UVRAG: variants seen among roughly 807,000 people sequenced by gnomAD.
The protein encoded by UVRAG is UV radiation resistance associated, also known as UV radiation resistance-associated gene protein.
UVRAG carries 19 observed loss-of-function variants against 78.0 expected under a neutral mutation model. The ratio of observed to expected loss-of-function variants is 0.24; its 90% CI spans 0.17 to 0.36. UVRAG has a LOEUF of 0.36. UVRAG is among the 10% of genes least tolerant of loss of function. UVRAG has a pLI of 1.00. For missense variants in UVRAG, 740 were observed against 853.8 expected (o/e 0.87, Z 1.66); for synonymous variants, 323 against 324.6 (o/e 1.00, Z 0.05).
At chr11:75,950,636 A>G (rs1208349570) in intron 6 of UVRAG, among the ~76,000 whole-genome samples, 1 of 152,166 alleles carries the variant, frequency 6.6e-6, no homozygotes, top group Non-Finnish European at 1.5e-5. Context: ...CAGGTTTCCA[A>G]AGTAGTTATA....
intron 12 of UVRAG, among the ~76,000 whole-genome samples, chr11:76,024,442 T>A (rs1222991092): frequency 6.6e-6 from 1 of 152,212 alleles, no homozygotes; most frequent in African/African-American, 2.4e-5. Context: ...GAATTTTATA[T>A]TCTTCCTCTA....
chr11:75,948,693 A>T (rs772559514), intron 6 of UVRAG, among the ~76,000 whole-genome samples: 1 of 152,196 alleles, frequency 6.6e-6, no homozygotes, highest in African/African-American at 2.4e-5. Context: ...GATGTTATCA[A>T]CATGACTAGA....
intron 12 of UVRAG, among the ~76,000 whole-genome samples, chr11:76,050,734 T>G (rs1013861458): frequency 1.3e-5 from 2 of 152,158 alleles, no homozygotes; most frequent in Non-Finnish European, 2.9e-5. Context: ...GGTCATAGAT[T>G]TTTTTTAAAT....
At chr11:75,864,702 C>T (rs567943392) in intron 3 of UVRAG, among the ~76,000 whole-genome samples, 153 of 152,358 alleles carry the variant, frequency 1.0e-3, no homozygotes, top group African/African-American at 3.5e-3. Context: ...ATGAATTCTT[C>T]CCTAAGGATA....
At chr11:76,091,824 C>T (rs969080216) in intron 13 of UVRAG, among the ~76,000 whole-genome samples, 30 of 150,966 alleles carry the variant, frequency 2.0e-4, no homozygotes, top group African/African-American at 7.1e-4. Flanking sequence ...TGGAGATACC[C>T]GATTGTATAT....
At chr11:76,082,295 C>T (rs1352201015) in intron 13 of UVRAG, among the ~76,000 whole-genome samples, 1 of 152,082 alleles carries the variant, frequency 6.6e-6, no homozygotes, top group Non-Finnish European at 1.5e-5. Flanking sequence ...AATCCCAGCA[C>T]TTTGGGAGGC....
chr11:75,992,141 T>G (rs1472539594), intron 8 of UVRAG, among the ~76,000 whole-genome samples: 1 of 152,178 alleles, frequency 6.6e-6, no homozygotes, highest in Non-Finnish European at 1.5e-5. Flanking sequence ...CAAAGCCACA[T>G]GCATAGCAAG....
At chr11:76,086,891 T>C (rs1483490950) in intron 13 of UVRAG, among the ~76,000 whole-genome samples, 2 of 152,242 alleles carry the variant, frequency 1.3e-5, no homozygotes, top group African/African-American at 4.8e-5. Context: ...AATGCTTAGT[T>C]AGTCATCTGA....
At chr11:76,080,600 G>C (rs1294632739) in intron 13 of UVRAG, among the ~76,000 whole-genome samples, 1 of 151,954 alleles carries the variant, frequency 6.6e-6, no homozygotes, top group South Asian at 2.1e-4. Flanking sequence ...GGTGAACCTG[G>C]GACAAGAAAC....
At chr11:75,850,951 CTG>C (rs1386214408) in intron 1 of UVRAG, among the ~76,000 whole-genome samples, 3 of 152,230 alleles carry the variant, frequency 2.0e-5, no homozygotes, top group Admixed American at 2.0e-4. Flanking sequence ...TTTTGGCTGA[CTG>C]TGCCTGTAAT....
At chr11:76,042,538 G>T (rs1227836693) in intron 12 of UVRAG, among the ~76,000 whole-genome samples, 1 of 152,100 alleles carries the variant, frequency 6.6e-6, no homozygotes, top group African/African-American at 2.4e-5. Flanking sequence ...GTGCCAGGGA[G>T]TGAACTACAA....
intron 13 of UVRAG, among the ~76,000 whole-genome samples, chr11:76,083,893 G>A (rs575998062): frequency 6.6e-6 from 1 of 152,162 alleles, no homozygotes; most frequent in African/African-American, 2.4e-5. Flanking sequence ...CTTAAAACAC[G>A]TAAATGTTAC....
chr11:75,940,679 T>G (rs1380036351), intron 6 of UVRAG, among the ~76,000 whole-genome samples: 2 of 152,216 alleles, frequency 1.3e-5, no homozygotes, highest in Non-Finnish European at 2.9e-5. Flanking sequence ...CTGCTAATAT[T>G]TGAGTACTTA....
At chr11:75,980,166 G>A (rs945433331) in intron 7 of UVRAG, 4 of 156,510 alleles carry the variant, frequency 2.6e-5, no homozygotes, top group Non-Finnish European at 5.5e-5. Context: ...TGTTTTGTTT[G>A]TTTGTTTGTT....
intron 14 of UVRAG, among the ~76,000 whole-genome samples, chr11:76,127,651 ATG>A (rs1201320910): frequency 2.4e-3 from 351 of 146,380 alleles, no homozygotes; most frequent in African/African-American, 8.7e-3. Context: ...AAAAAAAAAA[ATG>A]AATGAATGAA....
chr11:76,087,969 G>A (rs1323252092), intron 13 of UVRAG, among the ~76,000 whole-genome samples: 1 of 152,166 alleles, frequency 6.6e-6, no homozygotes, highest in East Asian at 1.9e-4. Flanking sequence ...AGACCTCCCT[G>A]GGGTCAGGTG....
At chr11:75,948,963 G>C (rs1948634054) in intron 6 of UVRAG, among the ~76,000 whole-genome samples, 1 of 152,150 alleles carries the variant, frequency 6.6e-6, no homozygotes, top group Non-Finnish European at 1.5e-5. Flanking sequence ...TGTTGGGGAA[G>C]ATAAACTACA....
At chr11:76,038,433 G>A (rs1213978735) in intron 12 of UVRAG, among the ~76,000 whole-genome samples, 1 of 152,140 alleles carries the variant, frequency 6.6e-6, no homozygotes, top group African/African-American at 2.4e-5. Context: ...CATTTGCATT[G>A]TATTAGGTAT....
chr11:75,969,804 A>C (rs928569429), intron 7 of UVRAG, among the ~76,000 whole-genome samples: 3 of 152,180 alleles, frequency 2.0e-5, no homozygotes, highest in African/African-American at 4.8e-5. Flanking sequence ...ATCGTTGTCC[A>C]TGCCCGTTGC....
Sources: gnomAD v4.1 joint callset for allele counts (sites outside exome capture counted in the v4.1 genomes callset) on GRCh38, gnomAD v4.1.1 for gene constraint, MANE v1.5 for transcripts, NCBI Gene and HGNC (gene_info 2026-07-23, HGNC 2026-07-21) for gene names.